The following CORO2B variants were observed in gnomAD, a reference collection of about 807,000 sequenced individuals.
The protein encoded by CORO2B is coronin-2B.
CORO2B carries 26 observed loss-of-function variants against 58.8 expected under a neutral mutation model. The ratio of observed to expected loss-of-function variants is 0.44; its 90% CI spans 0.32 to 0.61. The LOEUF is 0.61. Ranked by LOEUF, CORO2B falls within the 20% of genes least tolerant of loss-of-function variation. The pLI is 0.04. For synonymous variants in CORO2B, 242 were observed against 253.8 expected (o/e 0.95, Z 0.44); for missense variants, 460 against 645.1 (o/e 0.71, Z 3.11).
chr15:68,523,625 C>T, the CORO2B span, among the ~76,000 whole-genome samples: 3 of 152,208 alleles, frequency 2.0e-5, no homozygotes, highest in Non-Finnish European at 1.5e-5. Flanking sequence ...TGCTAACTGT[C>T]AGGTTTAGTT....
chr15:68,540,568 C>T, the CORO2B span, among the ~76,000 whole-genome samples: 1 of 152,230 alleles, frequency 6.6e-6, no homozygotes, highest in African/African-American at 2.4e-5. Flanking sequence ...TCACCAGTCC[C>T]TTTCATTTAA....
intron 1 of CORO2B, among the ~76,000 whole-genome samples, chr15:68,603,008 C>T (rs1900021586): frequency 1.3e-5 from 2 of 152,144 alleles, no homozygotes; most frequent in African/African-American, 4.8e-5. Context: ...CCATCTGTTT[C>T]CCCTGAGCAG....
At chr15:68,661,611 T>C (rs1902018298) in intron 2 of CORO2B, among the ~76,000 whole-genome samples, 1 of 152,348 alleles carries the variant, frequency 6.6e-6, no homozygotes, top group Middle Eastern at 3.4e-3. Context: ...AGAGTTAGCC[T>C]ACCCCTTTCT....
chr15:68,681,544 T>C (rs1161484855), intron 2 of CORO2B, among the ~76,000 whole-genome samples: 1 of 152,124 alleles, frequency 6.6e-6, no homozygotes, highest in Non-Finnish European at 1.5e-5. Context: ...ATAATCACCA[T>C]TTTCATAGGA....
At position 68,718,686 on chromosome 15, in the gene CORO2B, T is replaced by TTACATGGA. The variant is rs1409746038; in HGVS notation, c.968-12_968-11insTACATGGA. ...CTGGGACCCCATGGAGCCACATGTGTGCCTGTTACAGGGGTCATGCCCAAG... is the reference window on the plus strand; with the variant it reads ...CTGGGACCCCATGGAGCCACATGTGTTACATGGAGCCTGTTACAGGGGTCATGCCCAAG... On this transcript the variant is annotated splice_polypyrimidine_tract_variant and intron_variant, in intron 8 of 11. Coordinates refer to ENST00000261861, the MANE Select transcript of CORO2B (RefSeq NM_006091.5). 1 of 1,611,458 alleles carries TTACATGGA rather than the reference T, an allele frequency of 6.2e-7. No homozygotes were observed. Among genetic ancestry groups the TTACATGGA allele is most frequent in the African/African-American group, 1.3e-5 (1 of 74,874 alleles).
intron 1 of CORO2B, among the ~76,000 whole-genome samples, chr15:68,618,477 G>A (rs908878981): frequency 1.4e-4 from 21 of 152,232 alleles, no homozygotes; most frequent in Admixed American, 3.3e-4. Context: ...AACAGGAAAA[G>A]GGGAAAGGCA....
upstream of CORO2B, among the ~76,000 whole-genome samples, chr15:68,574,940 A>G (rs1169795106): frequency 6.6e-6 from 1 of 152,184 alleles, no homozygotes; most frequent in Non-Finnish European, 1.5e-5. Flanking sequence ...GAAAGTGTCT[A>G]GAAGAGACCA....
chr15:68,585,389 A>G (rs986599373), intron 1 of CORO2B, among the ~76,000 whole-genome samples: 1 of 152,226 alleles, frequency 6.6e-6, no homozygotes, highest in African/African-American at 2.4e-5. Flanking sequence ...AATAACAGTT[A>G]TTAAGCAGGC....
At chr15:68,594,476 C>G (rs1241635678) in intron 1 of CORO2B, among the ~76,000 whole-genome samples, 1 of 152,214 alleles carries the variant, frequency 6.6e-6, no homozygotes, top group Non-Finnish European at 1.5e-5. Context: ...TATCTTGTAT[C>G]TCCCATGGCC....
At chr15:68,642,969 G>A (rs1404612145) in intron 1 of CORO2B, among the ~76,000 whole-genome samples, 1 of 152,188 alleles carries the variant, frequency 6.6e-6, no homozygotes, top group Non-Finnish European at 1.5e-5. Context: ...GAAATACCTG[G>A]TGTTCTCACT....
intron 1 of CORO2B, among the ~76,000 whole-genome samples, chr15:68,602,744 A>G (rs117659488): frequency 0.013 from 1,907 of 152,294 alleles, 20 homozygotes; most frequent in Middle Eastern, 0.02. Context: ...ACATCAGTGA[A>G]GGAGGTTCTG....
chr15:68,589,818 G>T (rs953760287), intron 1 of CORO2B, among the ~76,000 whole-genome samples: 44 of 152,330 alleles, frequency 2.9e-4, no homozygotes, highest in African/African-American at 1.1e-3. Context: ...AACTAGGAGC[G>T]CCCTGACCAG....
At chr15:68,717,720 C>T (rs891874180) in intron 8 of CORO2B, among the ~76,000 whole-genome samples, 3 of 152,226 alleles carry the variant, frequency 2.0e-5, no homozygotes, top group South Asian at 2.1e-4. Context: ...TCTGCTGGCT[C>T]TTAATCCCAT....
intron 1 of CORO2B, among the ~76,000 whole-genome samples, chr15:68,617,856 A>T (rs141117291): frequency 2.0e-4 from 31 of 152,090 alleles, no homozygotes; most frequent in African/African-American, 7.5e-4. Context: ...GCCCTTAGAG[A>T]TTGTGGCTGA....
chr15:68,696,723 G>C (rs1041268429), intron 3 of CORO2B, among the ~76,000 whole-genome samples: 31 of 152,190 alleles, frequency 2.0e-4, no homozygotes, highest in African/African-American at 7.2e-4. Flanking sequence ...CTGTCCCTGA[G>C]CAGCATCAGT....
At chr15:68,658,805 C>G (rs1901917303) in intron 2 of CORO2B, among the ~76,000 whole-genome samples, 6 of 152,208 alleles carry the variant, frequency 3.9e-5, no homozygotes, top group Admixed American at 3.9e-4. Flanking sequence ...AGAGCTTATA[C>G]CTGGGACTGT....
At chr15:68,544,769 C>T in the CORO2B span, among the ~76,000 whole-genome samples, 1 of 151,236 alleles carries the variant, frequency 6.6e-6, no homozygotes, top group African/African-American at 2.4e-5. Context: ...GCTTGTCATA[C>T]ACATTCTTTT....
At chr15:68,669,587 C>T (rs1241315732) in intron 2 of CORO2B, among the ~76,000 whole-genome samples, 4 of 152,198 alleles carry the variant, frequency 2.6e-5, no homozygotes, top group Middle Eastern at 3.4e-3. Flanking sequence ...GCCTCACTTT[C>T]GTTGAGCTCA....
chr15:68,686,173 A>T (rs1268202934), intron 2 of CORO2B, among the ~76,000 whole-genome samples: 1 of 151,672 alleles, frequency 6.6e-6, no homozygotes, highest in African/African-American at 2.4e-5. Flanking sequence ...AGTAGCTGGG[A>T]TTATAGGCAT....
Sources: allele counts gnomAD v4.1 joint callset (sites outside exome capture counted in the v4.1 genomes callset), GRCh38; gene constraint gnomAD v4.1.1; transcripts MANE v1.5; gene names NCBI Gene and HGNC (gene_info 2026-07-23, HGNC 2026-07-21).